Variants in ARHGAP10 observed in about 807,000 individuals in gnomAD.
ARHGAP10 encodes Rho GTPase activating protein 10, also known as rho GTPase-activating protein 10.
In ARHGAP10, 87 loss-of-function variants were observed where a neutral mutation model predicts 108.6. The ratio of observed to expected loss-of-function variants is 0.80; its 90% CI spans 0.67 to 0.96. The LOEUF (loss-of-function observed/expected upper bound fraction) is 0.96, where lower values mean the gene tolerates loss of function less well. Ranked by LOEUF, ARHGAP10 falls within the 40% of genes least tolerant of loss-of-function variation. The pLI is 0.00. For missense variants in ARHGAP10, 939 were observed against 954.5 expected, an observed-to-expected ratio of 0.98 and a Z score of 0.21; for synonymous variants, 347 against 341.1, an observed-to-expected ratio of 1.02 and a Z score of -0.19.
intron 7 of ARHGAP10, among the ~76,000 whole-genome samples, chr4:147,868,386 G>T (rs996778693): frequency 3.3e-5 from 5 of 151,950 alleles, no homozygotes; most frequent in African/African-American, 1.2e-4. Context: ...GCAGGTGCAT[G>T]CCAGCACACC....
intron 1 of ARHGAP10, among the ~76,000 whole-genome samples, chr4:147,741,381 A>G (rs1217790144): frequency 6.6e-6 from 1 of 152,216 alleles, no homozygotes; most frequent in Non-Finnish European, 1.5e-5. Flanking sequence ...TCTCAGGACT[A>G]TATGAGAACT....
chr4:147,994,421 AT>A (rs1740396502), intron 18 of ARHGAP10, among the ~76,000 whole-genome samples: 1 of 152,202 alleles, frequency 6.6e-6, no homozygotes. Context: ...ATTATTACTT[AT>A]TCTTAATTAC....
rs746172564 is a variant in ARHGAP10 at position 148,046,884 on chromosome 4, C to T, written c.1868-8C>T. 18 of 1,596,428 alleles carry T rather than the reference C, an allele frequency of 1.1e-5. No homozygotes were observed. The highest frequency in any genetic ancestry group is 1.7e-4 in the Middle Eastern group (1 of 5,956). ...TTGTTTGATATTCAATGCTTTTTTT[C>T]CTCCTAGGTGACAATCCTTACCCTT... On this transcript the variant is annotated splice_region_variant and splice_polypyrimidine_tract_variant and intron_variant, in intron 19 of 22. Coordinates refer to ENST00000336498, the MANE Select transcript of ARHGAP10 (RefSeq NM_024605.4).
intron 8 of ARHGAP10, among the ~76,000 whole-genome samples, chr4:147,875,402 T>C (rs1735017731): frequency 6.6e-6 from 1 of 152,174 alleles, no homozygotes; most frequent in Non-Finnish European, 1.5e-5. Flanking sequence ...GCTTCTGTTT[T>C]ACACTGTGTG....
chr4:147,886,313 T>A (rs1256442573), intron 10 of ARHGAP10, among the ~76,000 whole-genome samples: 1 of 152,208 alleles, frequency 6.6e-6, no homozygotes, highest in African/African-American at 2.4e-5. Flanking sequence ...GCTTCTTGAC[T>A]TGTTAAGTTC....
chr4:148,042,618 C>T (rs1454556113), intron 19 of ARHGAP10, among the ~76,000 whole-genome samples: 4 of 152,200 alleles, frequency 2.6e-5, no homozygotes, highest in African/African-American at 9.6e-5. Context: ...TCTGAAAACT[C>T]CTTTTTCTGG....
intron 20 of ARHGAP10, among the ~76,000 whole-genome samples, chr4:148,056,997 C>T (rs1171601089): frequency 6.6e-6 from 1 of 152,152 alleles, no homozygotes; most frequent in African/African-American, 2.4e-5. Flanking sequence ...ACTCTCTTCA[C>T]GTTAGCTGAG....
chr4:147,804,066 CG>C (rs1560767622), intron 1 of ARHGAP10, among the ~76,000 whole-genome samples: 1 of 149,612 alleles, frequency 6.7e-6, no homozygotes, highest in East Asian at 2.0e-4. Context: ...CTGTGTGTCA[CG>C]GGGGTTTGGT....
intron 3 of ARHGAP10, among the ~76,000 whole-genome samples, chr4:147,833,133 T>G (rs1733021423): frequency 6.6e-6 from 1 of 152,178 alleles, no homozygotes; most frequent in South Asian, 2.1e-4. Flanking sequence ...GCATCTCCAG[T>G]ATTTTCAGTG....
At chr4:147,851,091 T>C (rs1733861377) in intron 4 of ARHGAP10, among the ~76,000 whole-genome samples, 1 of 152,196 alleles carries the variant, frequency 6.6e-6, no homozygotes, top group Admixed American at 6.5e-5. Flanking sequence ...GAATGGAATC[T>C]ATTCAGATGC....
chr4:148,005,370 G>T (rs533828020), intron 18 of ARHGAP10, among the ~76,000 whole-genome samples: 1 of 152,176 alleles, frequency 6.6e-6, no homozygotes, highest in Non-Finnish European at 1.5e-5. Flanking sequence ...GGCCACTTGA[G>T]CCCAGGAGTT....
chr4:147,878,733 T>TAGAGGTTTG (rs1397201139), intron 8 of ARHGAP10, among the ~76,000 whole-genome samples: 2 of 152,112 alleles, frequency 1.3e-5, no homozygotes, highest in African/African-American at 4.8e-5. Context: ...TGCTAAATCT[T>TAGAGGTTTG]AGAGGTTTGT....
intron 4 of ARHGAP10, chr4:147,854,593 A>G (rs1187099834): frequency 1.6e-5 from 8 of 512,276 alleles, no homozygotes; most frequent in African/African-American, 4.2e-5. Context: ...TTTTTCTGTA[A>G]TGCAGTATTG....
intron 18 of ARHGAP10, among the ~76,000 whole-genome samples, chr4:147,998,640 G>T (rs1052084457): frequency 5.9e-5 from 9 of 152,222 alleles, no homozygotes; most frequent in African/African-American, 1.7e-4. Context: ...TTTCATCCCT[G>T]AAAGGGGATG....
In ARHGAP10 at chr4:147,990,050, C is replaced by T. The variant is rs141258774; in HGVS notation, c.1716+23211C>T. ...CCTCCGTTTGGGGTCCCTGACTTCC[C>T]GCAACACTCCTGATATTCAGCCTTC... On this transcript the variant is annotated intron_variant, in intron 18 of 22. Transcript: ENST00000336498. 6.6e-5 allele frequency among the ~76,000 whole-genome samples: 10 copies of T among 152,304 alleles called. No individual in the cohort carries two copies. In the East Asian group the frequency reaches 1.7e-3, roughly 26 times the overall value.
chr4:147,909,769 C>G lies in ARHGAP10; in HGVS notation c.1154C>G (p.Pro385Arg). Residue 385 changes from proline to arginine, a missense_variant, in exon 12 of 23, where the codon CCA becomes CGA. Coordinates refer to ENST00000336498, the MANE Select transcript of ARHGAP10 (RefSeq NM_024605.4). ...HSFNTAIIPR[P>R]EGNAQLDKMG... ...TTTAATACAGCCATCATCCCAAGAC[C>G]AGAAGGAAGTAAGTGCTCATTTATA... is the stretch of plus-strand genomic sequence containing the variant. 1 of 1,610,396 alleles carries G rather than the reference C, an allele frequency of 6.2e-7. No individual in the cohort carries two copies. Among genetic ancestry groups the G allele is most frequent in the Non-Finnish European group, 8.5e-7 (1 of 1,176,690 alleles).
chr4:148,015,335 T>C (rs10213378), intron 18 of ARHGAP10, among the ~76,000 whole-genome samples: 35,804 of 152,004 alleles, frequency 0.24, 6,420 homozygotes, highest in African/African-American at 0.5. Flanking sequence ...GGGAGTAAGG[T>C]CTGACTGCCA....
intron 13 of ARHGAP10, among the ~76,000 whole-genome samples, chr4:147,935,008 C>T (rs569929410): frequency 2.6e-5 from 4 of 152,272 alleles, no homozygotes; most frequent in African/African-American, 9.6e-5. Context: ...ACCAGAATAG[C>T]ACCTGGCACA....
At chr4:147,984,881 A>G (rs1237561488) in intron 18 of ARHGAP10, among the ~76,000 whole-genome samples, 1 of 152,148 alleles carries the variant, frequency 6.6e-6, no homozygotes, top group East Asian at 1.9e-4. Context: ...CCCTGCTCCA[A>G]CCTGGAGGAG....
Sources: gnomAD v4.1 joint callset for allele counts (sites outside exome capture counted in the v4.1 genomes callset) on GRCh38, gnomAD v4.1.1 for gene constraint, MANE v1.5 for transcripts, NCBI Gene and HGNC (gene_info 2026-07-23, HGNC 2026-07-21) for gene names.